Variants in PDE6C observed in about 807,000 individuals in gnomAD.
The protein encoded by PDE6C is cone cGMP-specific 3',5'-cyclic phosphodiesterase subunit alpha'.
Under a neutral mutation model 113.1 loss-of-function variants are expected in PDE6C, and 75 were observed. The ratio of observed to expected loss-of-function variants is 0.66; its 90% CI spans 0.55 to 0.80. The LOEUF is 0.80. Among genes scored for constraint, PDE6C ranks in the 30% least tolerant of loss-of-function variants. PDE6C has a pLI of 0.00. For synonymous variants in PDE6C, 375 were observed against 363.7 expected, an observed-to-expected ratio of 1.03 and a Z score of -0.35; for missense variants, 912 against 1,038.6, an observed-to-expected ratio of 0.88 and a Z score of 1.67.
intron 15 of PDE6C, among the ~76,000 whole-genome samples, chr10:93,654,769 T>C (rs1204661130): frequency 2.1e-5 from 1 of 46,800 alleles, no homozygotes; most frequent in Non-Finnish European, 4.0e-5. Flanking sequence ...TTTCTTTCTT[T>C]CTTTCTTTCT....
chr10:93,647,859 G>A (rs575330531), intron 15 of PDE6C, among the ~76,000 whole-genome samples: 130 of 152,204 alleles, frequency 8.5e-4, no homozygotes, highest in African/African-American at 3.1e-3. Context: ...AAGAAGGAGC[G>A]GAACTGAAAA....
At chr10:93,645,489 G>A (rs2058579983) in intron 14 of PDE6C, among the ~76,000 whole-genome samples, 1 of 152,088 alleles carries the variant, frequency 6.6e-6, no homozygotes, top group Non-Finnish European at 1.5e-5. Flanking sequence ...AAAGACTGGG[G>A]CCCCTACTTA....
intron 7 of PDE6C, among the ~76,000 whole-genome samples, 155 bp from the exon 8 acceptor site, chr10:93,629,103 C>T (rs1360645349): frequency 6.6e-6 from 1 of 152,174 alleles, no homozygotes; most frequent in African/African-American, 2.4e-5. Flanking sequence ...GAGTTGTTAG[C>T]AGCTGTGGCC....
At chr10:93,624,998 A>C (rs1157233726) in intron 4 of PDE6C, among the ~76,000 whole-genome samples, 1 of 152,222 alleles carries the variant, frequency 6.6e-6, no homozygotes, top group East Asian at 1.9e-4. Flanking sequence ...ACCTTTTGCC[A>C]GTAGTCCCTC....
At chr10:93,639,595 A>T (rs1331462174) in intron 11 of PDE6C, among the ~76,000 whole-genome samples, 1 of 152,228 alleles carries the variant, frequency 6.6e-6, no homozygotes, top group Admixed American at 6.5e-5. Flanking sequence ...AAATAAGCAG[A>T]TGATCCCCAC....
intron 21 of PDE6C, among the ~76,000 whole-genome samples, 177 bp from the exon 22 acceptor site, chr10:93,665,183 T>A (rs536529612): frequency 1.3e-5 from 2 of 152,314 alleles, no homozygotes; most frequent in South Asian, 4.1e-4. Flanking sequence ...TTTTATTTTT[T>A]GAATGGACCA....
chr10:93,630,635 C>T (rs1278514171), intron 8 of PDE6C, among the ~76,000 whole-genome samples: 1 of 152,092 alleles, frequency 6.6e-6, no homozygotes, highest in African/African-American at 2.4e-5. Flanking sequence ...GACTGCCCTC[C>T]CCGGTGGGTA....
chr10:93,644,877 C>CATATAT (rs1564802415), intron 14 of PDE6C, among the ~76,000 whole-genome samples: 74 of 146,344 alleles, frequency 5.1e-4, no homozygotes, highest in African/African-American at 1.7e-3. Context: ...AGTACATATA[C>CATATAT]AGTATATTTA....
In PDE6C at chr10:93,645,981, AC is replaced by A. The variant is rs1564802738; in HGVS notation, c.1870del (p.Leu624PhefsTer24). ...QMKSTSPLAR[L>X]HGSSILERHH... ...CTAGATCCACGTCTCCATTAGCAAGACTTCATGGTTCTTCTATTTTGGAGAG... is the reference window on the plus strand; with the variant it reads ...CTAGATCCACGTCTCCATTAGCAAGATTCATGGTTCTTCTATTTTGGAGAG... On this transcript the variant is annotated frameshift_variant, in exon 15 of 22. Coordinates refer to ENST00000371447, the MANE Select transcript of PDE6C (RefSeq NM_006204.4). LOFTEE classifies it high-confidence loss of function. The A allele has an allele frequency of 1.2e-6, 2 of 1,606,276 alleles. No homozygotes were observed. Among genetic ancestry groups the A allele is most frequent in the Non-Finnish European group, 1.7e-6 (2 of 1,173,004 alleles).
chr10:93,664,908 G>A (rs1018935742), intron 21 of PDE6C, among the ~76,000 whole-genome samples: 6 of 152,100 alleles, frequency 3.9e-5, no homozygotes, highest in East Asian at 1.9e-4. Context: ...TCACTCTGTC[G>A]CCCAGGCTGG....
intron 1 of PDE6C, among the ~76,000 whole-genome samples, chr10:93,617,093 T>C (rs1479495787): frequency 1.3e-5 from 2 of 152,092 alleles, no homozygotes; most frequent in Non-Finnish European, 2.9e-5. Flanking sequence ...ATCTCAGGGG[T>C]TAAGGGTGTT....
At chr10:93,616,405 G>T (rs1458638026) in intron 1 of PDE6C, among the ~76,000 whole-genome samples, 1 of 152,204 alleles carries the variant, frequency 6.6e-6, no homozygotes, top group African/African-American at 2.4e-5. Flanking sequence ...GCATCAGACA[G>T]ACCTGGGTGA....
In PDE6C at chr10:93,654,783, TTTCTTTCTTTCTTTCTTTCTTTCTTTC is replaced by T. The variant is rs1188958101; in HGVS notation, c.1936-974_1936-948del. Among the ~76,000 whole-genome samples, 119 of 70,436 alleles carry T rather than the reference TTTCTTTCTTTCTTTCTTTCTTTCTTTC, an allele frequency of 1.7e-3. 2 individuals carry two copies. Among genetic ancestry groups the T allele is most frequent in the Middle Eastern group, 6.4e-3 (1 of 156 alleles). 46.2% of individuals were successfully genotyped at this position (70,436 alleles called of 152,430 possible). ...CTTTCTTTCTTTCTTTCTTTCTTTCTTTCTTTCTTTCTTTCTTTCTTTCTTTCTTTTTTTTTTTTTTTGAAACAGGGT... is the reference window on the plus strand; with the variant it reads ...CTTTCTTTCTTTCTTTCTTTCTTTCTTTTTTTTTTTTTTTTGAAACAGGGT... On this transcript the variant is annotated intron_variant, in intron 15 of 21. Transcript: ENST00000371447.
intron 8 of PDE6C, among the ~76,000 whole-genome samples, chr10:93,631,895 C>A (rs1366708114): frequency 6.6e-6 from 1 of 152,256 alleles, no homozygotes; most frequent in East Asian, 1.9e-4. Context: ...CGAATTGCCA[C>A]TGAGTGGTTT....
chr10:93,643,752 C>A (rs1473906788), intron 14 of PDE6C, among the ~76,000 whole-genome samples: 2 of 150,042 alleles, frequency 1.3e-5, no homozygotes, highest in Non-Finnish European at 3.0e-5. Flanking sequence ...TACTAGATTT[C>A]ATTCCTAAAT....
chr10:93,637,913 A>G (rs2058541579), intron 11 of PDE6C, among the ~76,000 whole-genome samples: 1 of 152,096 alleles, frequency 6.6e-6, no homozygotes, highest in Non-Finnish European at 1.5e-5. Flanking sequence ...TCTGAGTGAT[A>G]TTATCCTTCT....
chr10:93,613,475 G>A (rs1250357711), intron 1 of PDE6C, among the ~76,000 whole-genome samples: 1 of 152,142 alleles, frequency 6.6e-6, no homozygotes, highest in African/African-American at 2.4e-5. Flanking sequence ...ATTTTATCAG[G>A]TGATCCTACC....
chr10:93,660,484 GA>G (rs1453769771), intron 18 of PDE6C, among the ~76,000 whole-genome samples: 1 of 152,138 alleles, frequency 6.6e-6, no homozygotes, highest in Admixed American at 6.5e-5. Flanking sequence ...CCTCTTGAAT[GA>G]AGGTCTTATG....
At chr10:93,643,270 A>G (rs754013339) in intron 14 of PDE6C, among the ~76,000 whole-genome samples, 5 of 152,126 alleles carry the variant, frequency 3.3e-5, no homozygotes, top group Admixed American at 2.0e-4. Flanking sequence ...TGCCCTCTGC[A>G]TTGGCCTGGT....
Sources: gnomAD v4.1 joint callset for allele counts (sites outside exome capture counted in the v4.1 genomes callset) on GRCh38, gnomAD v4.1.1 for gene constraint, MANE v1.5 for transcripts, NCBI Gene and HGNC (gene_info 2026-07-23, HGNC 2026-07-21) for gene names.